The following KCNK2 variants were observed in gnomAD, a reference collection of about 807,000 sequenced individuals.
The protein encoded by KCNK2 is potassium channel subfamily K member 2.
A neutral mutation model predicts 40.5 loss-of-function variants in KCNK2; 21 were observed. That is an observed-to-expected ratio of 0.52 (90% CI 0.37 to 0.75). The LOEUF (loss-of-function observed/expected upper bound fraction) is 0.75, where lower values mean the gene tolerates loss of function less well. KCNK2 is among the 30% of genes least tolerant of loss of function. The probability of loss-of-function intolerance (pLI) is 0.00; values close to 1 mark genes in which losing one functional copy is unlikely to be tolerated. For synonymous variants in KCNK2, 191 were observed against 202.2 expected (o/e 0.94, Z 0.47); for missense variants, 399 against 531.6 (o/e 0.75, Z 2.45).
chr1:215,022,073 A>G (rs1387510699), intron 1 of KCNK2, among the ~76,000 whole-genome samples: 3 of 133,480 alleles, frequency 2.2e-5, no homozygotes, highest in Non-Finnish European at 1.7e-5. Context: ...GGCATCCATA[A>G]TCATGTGAGC....
At chr1:215,031,032 T>C (rs1360786651) in intron 1 of KCNK2, among the ~76,000 whole-genome samples, 1 of 152,186 alleles carries the variant, frequency 6.6e-6, no homozygotes, top group African/African-American at 2.4e-5. Flanking sequence ...CTTTGCTTCA[T>C]CGTCGAAGAA....
chr1:215,174,063 G>A (rs1412654380), intron 5 of KCNK2, among the ~76,000 whole-genome samples: 27 of 152,128 alleles, frequency 1.8e-4, no homozygotes, highest in Non-Finnish European at 3.7e-4. Context: ...TGTCCTGAAC[G>A]GTATTGCCTA....
intron 6 of KCNK2, among the ~76,000 whole-genome samples, chr1:215,233,376 A>T (rs1022970961): frequency 1.3e-5 from 2 of 151,924 alleles, no homozygotes; most frequent in African/African-American, 4.8e-5. Context: ...TGTGTGGATT[A>T]AAAAAAGAGT....
chr1:215,114,963 A>G (rs1310742981), intron 2 of KCNK2, among the ~76,000 whole-genome samples: 1 of 150,692 alleles, frequency 6.6e-6, no homozygotes, highest in Non-Finnish European at 1.5e-5. Context: ...ATTTATTCAA[A>G]TATAAATTGT....
intron 1 of KCNK2, among the ~76,000 whole-genome samples, chr1:215,070,482 G>C (rs1183849117): frequency 2.0e-5 from 3 of 151,490 alleles, no homozygotes; most frequent in Admixed American, 2.0e-4. Context: ...GTTCCACATG[G>C]CTGGGGAGGC....
At chr1:215,173,131 C>A (rs907926619) in intron 5 of KCNK2, among the ~76,000 whole-genome samples, 13 of 152,130 alleles carry the variant, frequency 8.5e-5, no homozygotes, top group Non-Finnish European at 1.8e-4. Flanking sequence ...CCCTCCACCC[C>A]ACAACAGGCC....
At chr1:215,034,500 G>A (rs1657317659) in intron 1 of KCNK2, among the ~76,000 whole-genome samples, 1 of 152,026 alleles carries the variant, frequency 6.6e-6, no homozygotes, top group South Asian at 2.1e-4. Context: ...GTAACCGTCT[G>A]TTTTTTGAAG....
chr1:215,149,596 C>T (rs1405308527), intron 3 of KCNK2, among the ~76,000 whole-genome samples: 3 of 152,080 alleles, frequency 2.0e-5, no homozygotes, highest in Non-Finnish European at 4.4e-5. Context: ...TCGCTAAGGT[C>T]AAAACTCTGA....
chr1:215,091,087 A>G (rs1430660580), intron 2 of KCNK2, among the ~76,000 whole-genome samples: 6 of 152,206 alleles, frequency 3.9e-5, no homozygotes, highest in African/African-American at 1.4e-4. Context: ...ATACTTACAG[A>G]CTTGAGCTGG....
intron 6 of KCNK2, among the ~76,000 whole-genome samples, chr1:215,208,945 G>C (rs113748314): frequency 6.6e-6 from 1 of 151,352 alleles, no homozygotes; most frequent in East Asian, 2.0e-4. Flanking sequence ...CTCCTGTCTC[G>C]GCATGCATAG....
At chr1:215,024,962 TTTTA>T (rs749450052) in intron 1 of KCNK2, among the ~76,000 whole-genome samples, 5,187 of 52,696 alleles carry the variant, frequency 0.098, 197 homozygotes, top group African/African-American at 0.12. Flanking sequence ...TTTTTTTTTT[TTTTA>T]ACTGAGATAA....
chr1:215,149,175 C>T (rs1281871592), intron 3 of KCNK2, among the ~76,000 whole-genome samples: 1 of 151,930 alleles, frequency 6.6e-6, no homozygotes, highest in Non-Finnish European at 1.5e-5. Flanking sequence ...GAGGTAGTGG[C>T]GGTGGAACTG....
At chr1:215,095,038 G>A (rs72735338) in intron 2 of KCNK2, among the ~76,000 whole-genome samples, 3,421 of 152,200 alleles carry the variant, frequency 0.022, 55 homozygotes, top group Middle Eastern at 0.044. Context: ...TTTGACCAAT[G>A]TAGATCTGTC....
chr1:215,029,664 A>T (rs575298640), intron 1 of KCNK2, among the ~76,000 whole-genome samples: 33 of 148,470 alleles, frequency 2.2e-4, no homozygotes, highest in African/African-American at 7.6e-4. Context: ...ATTTGGATAT[A>T]CTTAAATTTC....
rs1208598580 is a variant in KCNK2 at position 215,149,508 on chromosome 1, T to A, written c.476-19691T>A. 6.6e-5 allele frequency among the ~76,000 whole-genome samples: 10 copies of A among 152,240 alleles called. No homozygotes were observed. In the South Asian group the frequency reaches 2.1e-3, roughly 32 times the overall value. ...GAAGAAAGTGTTGTAATGCAACCCA[T>A]GAGGTGTTAAAGAAAAAGGTCACTA... On this transcript the variant is annotated intron_variant, in intron 3 of 6. Transcript: ENST00000444842.
rs138367331 is a variant in KCNK2, at chr1:215,210,740, G to A, written c.963+15648G>A. Among the ~76,000 whole-genome samples, 583 of 152,116 alleles carry A rather than the reference G, an allele frequency of 3.8e-3. 3 individuals are homozygous for A. Among genetic ancestry groups the A allele is most frequent in the African/African-American group, 0.013 (556 of 41,494 alleles). ...CTAATAATCACTACAGGGTAGATAC[G>A]GTAATAGAGATATACAGAATATGCT... is the stretch of plus-strand genomic sequence containing the variant. On this transcript the variant is annotated intron_variant, in intron 6 of 6. Coordinates refer to ENST00000444842, the MANE Select transcript of KCNK2 (RefSeq NM_001017425.3).
chr1:215,122,560 TATTC>T (rs1017140147), intron 2 of KCNK2, among the ~76,000 whole-genome samples: 9 of 152,054 alleles, frequency 5.9e-5, no homozygotes, highest in African/African-American at 1.9e-4. Flanking sequence ...TGTTCAGTAT[TATTC>T]ATGATAAGGG....
chr1:215,183,129 C>T (rs554475985), intron 5 of KCNK2, among the ~76,000 whole-genome samples: 3 of 152,196 alleles, frequency 2.0e-5, no homozygotes, highest in East Asian at 1.9e-4. Flanking sequence ...TCTTTATGCA[C>T]TATCTTGCTA....
At chr1:215,178,761 A>G (rs56720553) in intron 5 of KCNK2, among the ~76,000 whole-genome samples, 7,382 of 152,032 alleles carry the variant, frequency 0.049, 196 homozygotes, top group Middle Eastern at 0.13. Flanking sequence ...CAGTTTGTTG[A>G]AGATTTTTGC....
Sources: gnomAD v4.1 joint callset for allele counts (sites outside exome capture counted in the v4.1 genomes callset) on GRCh38, gnomAD v4.1.1 for gene constraint, MANE v1.5 for transcripts, NCBI Gene and HGNC (gene_info 2026-07-23, HGNC 2026-07-21) for gene names.